Variants in SLC17A1 observed in about 807,000 individuals in gnomAD.
SLC17A1 encodes the protein solute carrier family 17 member 1, also known as sodium-dependent phosphate transport protein 1.
Under a neutral mutation model 53.5 loss-of-function variants are expected in SLC17A1, and 51 were observed. That is an observed-to-expected ratio of 0.95 (90% CI 0.76 to 1.20). The LOEUF (loss-of-function observed/expected upper bound fraction) is 1.20, where lower values mean the gene tolerates loss of function less well. Among genes scored for constraint, SLC17A1 ranks in the 50% most tolerant of loss-of-function variants. The probability of loss-of-function intolerance (pLI) is 0.00; values close to 1 mark genes in which losing one functional copy is unlikely to be tolerated. For synonymous variants in SLC17A1, 179 were observed against 198.8 expected, an observed-to-expected ratio of 0.90 and a Z score of 0.84; for missense variants, 538 against 568.2, an observed-to-expected ratio of 0.95 and a Z score of 0.54.
intron 3 of SLC17A1, among the ~76,000 whole-genome samples, chr6:25,824,013 C>G (rs1051773926): frequency 2.0e-5 from 3 of 151,638 alleles, no homozygotes; most frequent in East Asian, 1.9e-4. Context: ...AAAGTTTTCT[C>G]AACAAATTGG....
At chr6:25,797,079 G>T (rs898014982) in intron 12 of SLC17A1, among the ~76,000 whole-genome samples, 1 of 152,124 alleles carries the variant, frequency 6.6e-6, no homozygotes, top group Non-Finnish European at 1.5e-5. Flanking sequence ...CCTACATTGT[G>T]GAACCTCATT....
At chr6:25,809,666 T>C (rs965235456) in intron 10 of SLC17A1, among the ~76,000 whole-genome samples, 1 of 151,588 alleles carries the variant, frequency 6.6e-6, no homozygotes, top group Non-Finnish European at 1.5e-5. Context: ...TAGGAAGAAT[T>C]AATGTTGTTA....
At chr6:25,788,725 G>A (rs935274616) in intron 12 of SLC17A1, among the ~76,000 whole-genome samples, 3 of 152,144 alleles carry the variant, frequency 2.0e-5, no homozygotes, top group Non-Finnish European at 4.4e-5. Flanking sequence ...GGAAAGGAGA[G>A]CATCCACAAG....
At chr6:25,731,770 G>T in the SLC17A1 span, 4 of 1,545,626 alleles carry the variant, frequency 2.6e-6, no homozygotes, top group Non-Finnish European at 3.5e-6. Flanking sequence ...TCATCTGCTG[G>T]CCCTATCATG....
the SLC17A1 span, among the ~76,000 whole-genome samples, chr6:25,760,373 T>C: frequency 6.6e-6 from 1 of 152,210 alleles, no homozygotes; most frequent in Non-Finnish European, 1.5e-5. Flanking sequence ...GTAAGTGATC[T>C]TCTATGGTAT....
intron 6 of SLC17A1, among the ~76,000 whole-genome samples, chr6:25,816,433 T>C (rs948318382): frequency 6.6e-6 from 1 of 152,250 alleles, no homozygotes; most frequent in Non-Finnish European, 1.5e-5. Flanking sequence ...AAGCAAGACA[T>C]TCCAGGCATG....
chr6:25,752,662 T>C, the SLC17A1 span, among the ~76,000 whole-genome samples: 1,022 of 152,306 alleles, frequency 6.7e-3, 39 homozygotes, highest in Non-Finnish European at 1.7e-3. Flanking sequence ...TACAAAAATA[T>C]TTTCTTTAGG....
At chr6:25,738,631 T>C in the SLC17A1 span, among the ~76,000 whole-genome samples, 16 of 152,218 alleles carry the variant, frequency 1.1e-4, no homozygotes, top group South Asian at 3.1e-3. Flanking sequence ...TTGCAAACCA[T>C]ATATATGGTA....
the SLC17A1 span, among the ~76,000 whole-genome samples, chr6:25,749,133 G>A: frequency 6.6e-6 from 1 of 152,210 alleles, no homozygotes; most frequent in African/African-American, 2.4e-5. Flanking sequence ...CTATCACATG[G>A]GGAGAAACCT....
intron 2 of SLC17A1, among the ~76,000 whole-genome samples, chr6:25,828,826 A>G (rs1185977): frequency 0.39 from 58,486 of 151,880 alleles, 12,277 homozygotes; most frequent in East Asian, 0.7. Flanking sequence ...TAAATAAATT[A>G]TAATATATCC....
the SLC17A1 span, among the ~76,000 whole-genome samples, chr6:25,730,625 GAGT>G: frequency 1.3e-5 from 2 of 152,188 alleles, no homozygotes; most frequent in Non-Finnish European, 2.9e-5. Context: ...AAATTGCAAA[GAGT>G]AGAGTTTAAG....
At chr6:25,766,142 T>C in the SLC17A1 span, among the ~76,000 whole-genome samples, 1 of 150,032 alleles carries the variant, frequency 6.7e-6, no homozygotes, top group Admixed American at 6.7e-5. Flanking sequence ...AATTGAATTA[T>C]AATTTTATAG....
chr6:25,741,378 T>C, the SLC17A1 span, among the ~76,000 whole-genome samples: 1 of 132,048 alleles, frequency 7.6e-6, no homozygotes, highest in Non-Finnish European at 1.5e-5. Flanking sequence ...GAGATCAGCC[T>C]GGCCAACATG....
chr6:25,808,261 T>A (rs780908403), intron 10 of SLC17A1, among the ~76,000 whole-genome samples: 1 of 152,086 alleles, frequency 6.6e-6, no homozygotes, highest in Non-Finnish European at 1.5e-5. Flanking sequence ...AAATGCCATA[T>A]GTTTTTCACT....
At chr6:25,745,131 C>T in the SLC17A1 span, among the ~76,000 whole-genome samples, 3 of 152,116 alleles carry the variant, frequency 2.0e-5, no homozygotes, top group African/African-American at 7.2e-5. Flanking sequence ...GATTTTGTGA[C>T]ACTATTGTTG....
chr6:25,794,391 A>G (rs1763562030), intron 12 of SLC17A1, among the ~76,000 whole-genome samples: 1 of 152,172 alleles, frequency 6.6e-6, no homozygotes, highest in South Asian at 2.1e-4. Flanking sequence ...TTTCAACATA[A>G]TCAGTCTCCT....
At chr6:25,774,283 G>T in the SLC17A1 span, among the ~76,000 whole-genome samples, 1 of 152,198 alleles carries the variant, frequency 6.6e-6, no homozygotes, top group African/African-American at 2.4e-5. Context: ...TGGCTGACAG[G>T]AGCCTTTCAA....
At chr6:25,729,556 T>C in the SLC17A1 span, among the ~76,000 whole-genome samples, 1 of 152,184 alleles carries the variant, frequency 6.6e-6, no homozygotes, top group Non-Finnish European at 1.5e-5. Flanking sequence ...GCTGCCTGAG[T>C]CATTCACCTA....
rs199627788 is a variant in SLC17A1 at position 25,811,402 on chromosome 6, G to T, written c.1174C>A (p.Pro392Thr). 5.0e-5 allele frequency: 81 copies of T among 1,609,750 alleles called. No individual in the cohort carries two copies. Among genetic ancestry groups the T allele is most frequent in the Non-Finnish European group, 5.1e-6 (6 of 1,177,410 alleles). The change falls in exon 10 of 13, where the codon CCC becomes ACC. Residue 392 changes from proline to threonine, a missense_variant. Pro to Thr is a conservative substitution (Grantham distance 38). Transcript: ENST00000244527. ...GVFINGLDIA[P>T]RYFGFIKACS... is the part of the protein sequence containing the mutation. The stretch of plus-strand genomic sequence containing the variant: ...AAGCGTATAAACAAATCCTACCTGG[G>T]AGCAATATCCAAGCCATTTATAAAC...
Sources: allele counts gnomAD v4.1 joint callset (sites outside exome capture counted in the v4.1 genomes callset), GRCh38; gene constraint gnomAD v4.1.1; transcripts MANE v1.5; gene names NCBI Gene and HGNC (gene_info 2026-07-23, HGNC 2026-07-21).